Variants in ACOT11 observed in about 807,000 individuals in gnomAD.
ACOT11 encodes acyl-CoA thioesterase 11.
A neutral mutation model predicts 77.5 loss-of-function variants in ACOT11; 69 were observed. The ratio of observed to expected loss-of-function variants is 0.89; its 90% CI spans 0.73 to 1.09. ACOT11 has a LOEUF of 1.09. Ranked by LOEUF, ACOT11 falls within the 50% of genes least tolerant of loss-of-function variation. The pLI is 0.00. For missense variants in ACOT11, 766 were observed against 813.7 expected, an observed-to-expected ratio of 0.94 and a Z score of 0.71; for synonymous variants, 279 against 313.0, an observed-to-expected ratio of 0.89 and a Z score of 1.15.
chr1:54,564,268 A>G (rs371165788), intron 1 of ACOT11, among the ~76,000 whole-genome samples: 1 of 152,130 alleles, frequency 6.6e-6, no homozygotes, highest in African/African-American at 2.4e-5. Flanking sequence ...TAAAATAAAA[A>G]AAGAAAAAAA....
Position 54,584,982 on chromosome 1 carries a change from C to A in ACOT11, c.241+120C>A. The A allele has an allele frequency of 9.1e-7, 1 of 1,101,680 alleles. No homozygotes were observed. Among genetic ancestry groups the A allele is most frequent in the Non-Finnish European group, 1.3e-6 (1 of 776,896 alleles). 68.2% of individuals were successfully genotyped at this position (1,101,680 alleles called of 1,614,324 possible). ...CACTTGTTTCTCATCTTGGCCTTTG[C>A]TCATGCTGGTCCCTTTGTCTGAAAT... On this transcript the variant is annotated intron_variant, in intron 2 of 15. Coordinates refer to ENST00000343744, the MANE Select transcript of ACOT11 (RefSeq NM_147161.4). This position sits in a 1 kb window ranked among gnomAD's most constrained non-coding sequence, Gnocchi z 6.3.
downstream of ACOT11, among the ~76,000 whole-genome samples, chr1:54,614,136 A>G (rs1644146416): frequency 6.6e-6 from 1 of 152,222 alleles, no homozygotes; most frequent in Non-Finnish European, 1.5e-5. Context: ...CTAACCTGGC[A>G]GTGCTATGTA....
rs191217873 is a variant in ACOT11 at position 54,634,959 on chromosome 1, T to C, written c.*230T>C. ...ACAATGAATAATTTAATGGTAGCTA[T>C]GATAGCAGTTATCACCACTGCCGTG... On this transcript the variant is annotated 3_prime_UTR_variant, in exon 17 of 17. Coordinates refer to the ACOT11 transcript ENST00000371316. 1.0e-3 allele frequency: 499 copies of C among 497,090 alleles called. 3 individuals are homozygous for C. The East Asian group carries it at 0.013, about 13-fold the overall frequency. The allele number at this position is 497,090 out of a possible 1,614,324, so 30.8% of individuals were successfully genotyped here.
chr1:54,550,204 G>A (rs536479980), intron 1 of ACOT11, among the ~76,000 whole-genome samples: 3 of 152,260 alleles, frequency 2.0e-5, no homozygotes, highest in Non-Finnish European at 2.9e-5. Context: ...AGATGAAGGC[G>A]CAGATGTGGG....
intron 1 of ACOT11, among the ~76,000 whole-genome samples, chr1:54,551,806 G>GTGA (rs1653080875): frequency 6.6e-6 from 1 of 151,978 alleles, no homozygotes; most frequent in South Asian, 2.1e-4. Flanking sequence ...CAGGAGTGCG[G>GTGA]TGGTGTAATC....
chr1:54,602,138 G>A (rs1323710065), intron 9 of ACOT11, among the ~76,000 whole-genome samples: 3 of 152,222 alleles, frequency 2.0e-5, no homozygotes, highest in Admixed American at 6.5e-5. Context: ...GCTGGAGGAC[G>A]TTAGATGTGG....
intron 15 of ACOT11, chr1:54,623,213 G>T: frequency 9.5e-7 from 1 of 1,049,678 alleles, no homozygotes; most frequent in Non-Finnish European, 1.5e-6. Flanking sequence ...CTGTAAGTGA[G>T]AAGTGGGGAT....
At chr1:54,597,190 G>A in intron 6 of ACOT11, 69 bp from the exon 7 acceptor site, 4 of 1,586,820 alleles carry the variant, frequency 2.5e-6, no homozygotes, top group Non-Finnish European at 3.4e-6. Context: ...AGGGCTGCCT[G>A]TGGGGAGGGG....
chr1:54,587,024 G>A (rs191221784), intron 3 of ACOT11, among the ~76,000 whole-genome samples: 59 of 152,254 alleles, frequency 3.9e-4, no homozygotes, highest in African/African-American at 1.4e-3. Flanking sequence ...GCCAGTCCCT[G>A]TACTCACTCA....
At position 54,608,938 on chromosome 1, in the gene ACOT11, T is replaced by C. The variant is rs200058000; in HGVS notation, c.1630-19T>C. The stretch of plus-strand genomic sequence containing the variant: ...CTCCCCTAGCTTGGTCCCCCTGAGC[T>C]TGGCTTCCCACCCTGCAGGTATCCT... On this transcript the variant is annotated intron_variant, in intron 15 of 15. Coordinates refer to ENST00000343744, the MANE Select transcript of ACOT11 (RefSeq NM_147161.4). The C allele has an allele frequency of 1.5e-4, 248 of 1,612,316 alleles. 1 individual carries two copies. The African/African-American group carries it at 3.0e-3, about 20-fold the overall frequency.
exon 17 of ACOT11, chr1:54,635,653 A>G (rs1644326526): frequency 5.8e-6 from 1 of 173,524 alleles, no homozygotes; most frequent in Non-Finnish European, 1.2e-5. Context: ...TTAAATGGGT[A>G]AAAACACTTG....
intron 3 of ACOT11, among the ~76,000 whole-genome samples, chr1:54,589,353 T>C (rs1186668398): frequency 6.6e-6 from 1 of 151,804 alleles, no homozygotes; most frequent in East Asian, 1.9e-4. Flanking sequence ...AAGGATTCTT[T>C]TTAAACACAA....
At position 54,594,694 on chromosome 1, in the gene ACOT11, G is replaced by A. The variant is rs1348152446; in HGVS notation, c.607+3G>A. 1 of 1,608,658 alleles carries A rather than the reference G, an allele frequency of 6.2e-7. No individual in the cohort carries two copies. The highest frequency in any genetic ancestry group is 1.3e-5 in the African/African-American group (1 of 74,952). ...GGCCAACTGCGCCATTCAGGGCGGTGAGCAGCTGCCAGCTGTGCATGGGGA... is the reference window on the plus strand; with the variant it reads ...GGCCAACTGCGCCATTCAGGGCGGTAAGCAGCTGCCAGCTGTGCATGGGGA... On this transcript the variant is annotated splice_donor_region_variant and intron_variant, in intron 6 of 15. Transcript: ENST00000343744.
chr1:54,619,459 G>T (rs1023221711), intron 15 of ACOT11, among the ~76,000 whole-genome samples: 2 of 152,126 alleles, frequency 1.3e-5, no homozygotes, highest in African/African-American at 2.4e-5. Context: ...CAGATTGCAT[G>T]GTAGTCCCAG....
At chr1:54,613,368 G>A (rs1025479462), downstream of ACOT11, among the ~76,000 whole-genome samples, 6 of 151,514 alleles carry the variant, frequency 4.0e-5, no homozygotes, top group Admixed American at 6.6e-5. Context: ...AACAGAGTGA[G>A]ACTCCATCTC....
At chr1:54,608,756 A>AGGGTTGGG (rs1327256044) in intron 15 of ACOT11, among the ~76,000 whole-genome samples, 1 of 152,020 alleles carries the variant, frequency 6.6e-6, no homozygotes, top group African/African-American at 2.4e-5. Context: ...TGCCCGAGGA[A>AGGGTTGGG]GGGTTGGGGG....
At chr1:54,613,155 G>GA (rs1307004463), downstream of ACOT11, among the ~76,000 whole-genome samples, 23 of 152,144 alleles carry the variant, frequency 1.5e-4, no homozygotes, top group African/African-American at 5.5e-4. Context: ...TGAGGCAGGT[G>GA]AATCACCTGA....
chr1:54,614,962 G>A (rs1655525), downstream of ACOT11: 550,664 of 1,158,044 alleles, frequency 0.48, 107,315 homozygotes, highest in Non-Finnish European at 0.52. Context: ...GTGCATGTGC[G>A]TGCACAGTGG....
Position 54,601,333 on chromosome 1 carries a change from A to C in ACOT11, c.949A>C (p.Asn317His). ...QEAETHRRHI[N>H]SAFMTFVVLD... ...GGCTGAGACCCACCGGCGCCACATC[A>C]ACAGTGCCTTTATGACCTTTGTGGT... Residue 317 changes from asparagine (N) to histidine (H), a missense_variant, in exon 9 of 16, where the codon AAC becomes CAC. Transcript: ENST00000343744. 1 of 1,613,782 alleles carries C rather than the reference A, an allele frequency of 6.2e-7. No individual in the cohort carries two copies. The highest frequency in any genetic ancestry group is 1.1e-5 in the South Asian group (1 of 91,090).
Sources: allele counts gnomAD v4.1 joint callset (sites outside exome capture counted in the v4.1 genomes callset), GRCh38; gene constraint gnomAD v4.1.1; non-coding constraint Gnocchi (gnomAD v3.1); transcripts MANE v1.5; gene names NCBI Gene and HGNC (gene_info 2026-07-23, HGNC 2026-07-21).